PRKCH: variants seen among roughly 807,000 people sequenced by gnomAD.
PRKCH encodes protein kinase C eta, also known as protein kinase C eta type.
PRKCH carries 28 observed loss-of-function variants against 82.5 expected under a neutral mutation model. That is an observed-to-expected ratio of 0.34 (90% CI 0.25 to 0.47). The LOEUF is 0.47. Among genes scored for constraint, PRKCH ranks in the 20% least tolerant of loss-of-function variants. PRKCH has a pLI of 1.00. For missense variants in PRKCH, 705 were observed against 881.8 expected (o/e 0.80, Z 2.54); for synonymous variants, 322 against 327.4 (o/e 0.98, Z 0.18).
intron 1 of PRKCH, among the ~76,000 whole-genome samples, chr14:61,261,664 A>G (rs773990390): frequency 6.0e-5 from 9 of 150,810 alleles, no homozygotes; most frequent in Non-Finnish European, 1.0e-4. Flanking sequence ...ATTTACATCC[A>G]TATCTTTTTT....
At chr14:61,275,498 C>T (rs959220976) in intron 1 of PRKCH, among the ~76,000 whole-genome samples, 2 of 152,178 alleles carry the variant, frequency 1.3e-5, no homozygotes, top group Admixed American at 6.5e-5. Context: ...ATGTAGAGGG[C>T]AAGGCTATTA....
chr14:61,354,207 AATTTT>A (rs1385856089), intron 1 of PRKCH, among the ~76,000 whole-genome samples: 2 of 152,160 alleles, frequency 1.3e-5, no homozygotes, highest in Non-Finnish European at 2.9e-5. Context: ...TTGACCATTT[AATTTT>A]ATCAGTCAAT....
chr14:61,236,031 T>C (rs1222989062), intron 1 of PRKCH, among the ~76,000 whole-genome samples: 1 of 152,200 alleles, frequency 6.6e-6, no homozygotes, highest in East Asian at 1.9e-4. Context: ...AATTCAGGCA[T>C]AATTGACCAG....
At chr14:61,248,007 C>T (rs1391575579) in intron 1 of PRKCH, among the ~76,000 whole-genome samples, 2 of 152,138 alleles carry the variant, frequency 1.3e-5, no homozygotes, top group Non-Finnish European at 2.9e-5. Flanking sequence ...CATCCAGTGT[C>T]ATTTCACAGT....
intron 1 of PRKCH, among the ~76,000 whole-genome samples, chr14:61,209,746 C>T (rs1390703702): frequency 6.6e-6 from 1 of 151,960 alleles, no homozygotes; most frequent in African/African-American, 2.4e-5. Context: ...TTCTACCGTA[C>T]CCATCACCCA....
At chr14:61,394,339 G>C (rs1275750547) in intron 2 of PRKCH, among the ~76,000 whole-genome samples, 1 of 151,950 alleles carries the variant, frequency 6.6e-6, no homozygotes, top group African/African-American at 2.4e-5. Context: ...GCTTTGCTTG[G>C]TATCTTTTAT....
chr14:61,357,371 C>G (rs1339461574), intron 1 of PRKCH, among the ~76,000 whole-genome samples: 1 of 152,220 alleles, frequency 6.6e-6, no homozygotes, highest in African/African-American at 2.4e-5. Flanking sequence ...ATTTCCTGTC[C>G]TGATGCCTGC....
intron 10 of PRKCH, among the ~76,000 whole-genome samples, chr14:61,498,650 C>T (rs576384117): frequency 4.6e-5 from 7 of 152,212 alleles, no homozygotes; most frequent in African/African-American, 7.2e-5. Flanking sequence ...AGGTGGCTGC[C>T]ATCTTGCTGT....
intron 1 of PRKCH, among the ~76,000 whole-genome samples, chr14:61,237,922 G>A (rs2044804469): frequency 6.6e-6 from 1 of 152,214 alleles, no homozygotes; most frequent in South Asian, 2.1e-4. Context: ...ATACTTTTTG[G>A]TTTACAGAGG....
intron 1 of PRKCH, chr14:61,279,100 T>G (rs1293753686): frequency 6.6e-6 from 1 of 152,170 alleles, no homozygotes; most frequent in African/African-American, 2.4e-5. Context: ...TATCTGATTC[T>G]ACGTTAAAGC....
chr14:61,426,088 A>G (rs1171140891), intron 2 of PRKCH, among the ~76,000 whole-genome samples: 2 of 152,188 alleles, frequency 1.3e-5, no homozygotes, highest in Non-Finnish European at 2.9e-5. Context: ...AGTCTCAGGT[A>G]TGTCTTTACA....
intron 9 of PRKCH, among the ~76,000 whole-genome samples, chr14:61,467,613 C>A (rs936767394): frequency 2.6e-5 from 4 of 152,200 alleles, no homozygotes; most frequent in African/African-American, 9.6e-5. Flanking sequence ...GAAGTATAGC[C>A]GAAAGGCTGG....
chr14:61,236,721 A>AG (rs1320336113), intron 1 of PRKCH, among the ~76,000 whole-genome samples: 2 of 148,108 alleles, frequency 1.4e-5, no homozygotes, highest in African/African-American at 2.5e-5. Flanking sequence ...AAAAAAAAAA[A>AG]AAAAAAAAAA....
chr14:61,294,266 GC>G (rs761122883), intron 1 of PRKCH, among the ~76,000 whole-genome samples: 69 of 151,978 alleles, frequency 4.5e-4, no homozygotes, highest in South Asian at 1.0e-3. Context: ...GACTACAGGT[GC>G]CTGCCACCAC....
chr14:61,319,892 C>T (rs951504745), upstream of PRKCH, among the ~76,000 whole-genome samples: 1 of 152,236 alleles, frequency 6.6e-6, no homozygotes, highest in Admixed American at 6.5e-5. Flanking sequence ...CCCTTTCCCC[C>T]CTGGCCCATT....
chr14:61,443,148 C>T lies in PRKCH; in HGVS notation c.465C>T (p.Thr155=). The stretch of plus-strand genomic sequence containing the variant: ...GAGACCGGATCTTCAAACATTTTAC[C>T]AGGAAGCGCCAAAGGGCTATGCGAA... ...LQRDRIFKHF[T]RKRQRAMRRR... The change falls in exon 3 of 14, where the codon ACC becomes ACT. Residue 155 remains threonine (T), a synonymous_variant. Coordinates refer to ENST00000332981, the MANE Select transcript of PRKCH (RefSeq NM_006255.5). 6.2e-7 allele frequency: 1 copy of T among 1,613,860 alleles called. No individual in the cohort carries two copies. The highest frequency in any genetic ancestry group is 8.5e-7 in the Non-Finnish European group (1 of 1,179,880).
chr14:61,394,829 G>C (rs1306184270), intron 2 of PRKCH, among the ~76,000 whole-genome samples: 1 of 152,256 alleles, frequency 6.6e-6, no homozygotes, highest in East Asian at 1.9e-4. Flanking sequence ...TTTATCTTTG[G>C]TAATTCCATC....
At chr14:61,226,678 T>C (rs2044698770) in intron 1 of PRKCH, among the ~76,000 whole-genome samples, 1 of 152,326 alleles carries the variant, frequency 6.6e-6, no homozygotes, top group East Asian at 1.9e-4. Context: ...TGGGAGACAA[T>C]GGTCGTTCTC....
At chr14:61,194,896 G>A (rs1253029974) in intron 1 of PRKCH, among the ~76,000 whole-genome samples, 1 of 152,088 alleles carries the variant, frequency 6.6e-6, no homozygotes, top group Non-Finnish European at 1.5e-5. Context: ...ACCATGCCCG[G>A]ATAATTTTTG....
Sources: allele counts gnomAD v4.1 joint callset (sites outside exome capture counted in the v4.1 genomes callset), GRCh38; gene constraint gnomAD v4.1.1; transcripts MANE v1.5; gene names NCBI Gene and HGNC (gene_info 2026-07-23, HGNC 2026-07-21).